CELF6: variants seen among roughly 807,000 people sequenced by gnomAD.
CELF6 encodes the protein Bruno -like 6, RNA binding protein.
A neutral mutation model predicts 53.1 loss-of-function variants in CELF6; 32 were observed. That is an observed-to-expected ratio of 0.60 (90% CI 0.46 to 0.81). The LOEUF (loss-of-function observed/expected upper bound fraction) is 0.81, where lower values mean the gene tolerates loss of function less well. Ranked by LOEUF, CELF6 falls within the 30% of genes least tolerant of loss-of-function variation. CELF6 has a pLI of 0.00. For missense variants in CELF6, 539 were observed against 669.5 expected, an observed-to-expected ratio of 0.81 and a Z score of 2.15; for synonymous variants, 291 against 288.8, an observed-to-expected ratio of 1.01 and a Z score of -0.08.
chr15:72,307,066 T>G (rs1208838843), intron 2 of CELF6, among the ~76,000 whole-genome samples: 2 of 149,160 alleles, frequency 1.3e-5, no homozygotes, highest in African/African-American at 2.5e-5. Context: ...AAGCCTGGGG[T>G]GGGGGGCAGT....
chr15:72,293,974 TG>T (rs2088041668), intron 3 of CELF6, among the ~76,000 whole-genome samples: 1 of 152,104 alleles, frequency 6.6e-6, no homozygotes, highest in African/African-American at 2.4e-5. Context: ...GGATTTCATG[TG>T]TGAGCCACCA....
At chr15:72,317,753 C>A (rs1249996826) in intron 1 of CELF6, among the ~76,000 whole-genome samples, 1 of 152,156 alleles carries the variant, frequency 6.6e-6, no homozygotes, top group Non-Finnish European at 1.5e-5. Context: ...CCACTTACAT[C>A]CCTGCTCTGT....
intron 3 of CELF6, among the ~76,000 whole-genome samples, chr15:72,291,763 G>A (rs893417068): frequency 1.4e-4 from 21 of 152,188 alleles, no homozygotes; most frequent in African/African-American, 5.1e-4. Flanking sequence ...TCTGTGTGGA[G>A]GGCAGGGGCT....
chr15:72,294,937 C>T (rs556007554), intron 3 of CELF6, among the ~76,000 whole-genome samples: 8 of 144,852 alleles, frequency 5.5e-5, no homozygotes, highest in Non-Finnish European at 1.2e-4. Context: ...GAGATTGTGC[C>T]GCTGCACTCC....
At chr15:72,287,831 G>T (rs904944574) in intron 11 of CELF6, among the ~76,000 whole-genome samples, 1 of 148,330 alleles carries the variant, frequency 6.7e-6, no homozygotes, top group Non-Finnish European at 1.5e-5. Flanking sequence ...CTGAAATAAA[G>T]CTCGTTCTTT....
At chr15:72,293,365 G>A (rs2141188158) in intron 3 of CELF6, among the ~76,000 whole-genome samples, 1 of 152,014 alleles carries the variant, frequency 6.6e-6, no homozygotes, top group East Asian at 1.9e-4. Flanking sequence ...TCTGATGGCT[G>A]ATCATTGATT....
At position 72,290,371 on chromosome 15, in the gene CELF6, G is replaced by A. The variant is rs963486154; in HGVS notation, c.395-116C>T. On this transcript the variant is annotated intron_variant, in intron 3 of 12. Coordinates refer to ENST00000287202, the MANE Select transcript of CELF6 (RefSeq NM_052840.5). ...TCTCACTCTGGGAAGCAGAGGGAGT[G>A]AGAAGGCCCTGGGCTTCCAGGGTTG... is the stretch of plus-strand genomic sequence containing the variant. 2.4e-6 allele frequency: 3 copies of A among 1,271,616 alleles called. No homozygotes were observed. The East Asian group carries it at 7.6e-5, about 32-fold the overall frequency. The allele number at this position is 1,271,616 out of a possible 1,614,324, so 78.8% of individuals were successfully genotyped here.
Position 72,288,639 on chromosome 15 carries a change from G to A in CELF6, c.1094-21C>T. 1 of 1,551,298 alleles carries A rather than the reference G, an allele frequency of 6.4e-7. No individual in the cohort carries two copies. The highest frequency in any genetic ancestry group is 8.7e-7 in the Non-Finnish European group (1 of 1,148,180). Reference sequence around the variant, plus strand: ...GGCTGCTGGAGACAGAGGTGGGAGTGGACAGTGATCCCCAGGAGCCCTTCC... The same window carrying A: ...GGCTGCTGGAGACAGAGGTGGGAGTAGACAGTGATCCCCAGGAGCCCTTCC... On this transcript the variant is annotated intron_variant, in intron 9 of 12. Transcript: ENST00000287202. This position sits in a 1 kb window ranked among gnomAD's most constrained non-coding sequence, Gnocchi z 4.6.
chr15:72,292,068 C>T, intron 3 of CELF6: 1 of 629,582 alleles, frequency 1.6e-6, no homozygotes, highest in Non-Finnish European at 2.7e-6. Flanking sequence ...TAGGATGAAG[C>T]TCAAAATGTA....
rs973603279 is a variant in CELF6, at chr15:72,289,946, G to A, written c.596C>T (p.Thr199Ile). ...AAIRGLHGSR[T>I]MAGASSSLVV... is the part of the protein sequence containing the mutation. ...CAGGGAACCCGCCCTCACCGCCATG[G>A]TCCGGCTGCCGTGCAGACCCCGGAT... Residue 199 changes from threonine (T) to isoleucine (I), a missense_variant, in exon 5 of 13, where the codon ACC becomes ATC. Thr to Ile is a moderately conservative substitution (Grantham distance 89). Around this residue, in one of 3 missense-constraint regions of CELF6, gnomAD observed 358 missense variants for 412.8 expected, o/e 0.87. Coordinates refer to ENST00000287202, the MANE Select transcript of CELF6 (RefSeq NM_052840.5). This position sits in a 1 kb window ranked among gnomAD's most constrained non-coding sequence, Gnocchi z 7.6. 44 of 1,568,364 alleles carry A rather than the reference G, an allele frequency of 2.8e-5. No individual in the cohort carries two copies. The highest frequency in any genetic ancestry group is 1.8e-4 in the Middle Eastern group (1 of 5,572).
rs1347753642 is a variant in CELF6, at chr15:72,289,415, C to T, written c.840G>A (p.Ala280=). The change falls in exon 7 of 13, where the codon GCG becomes GCA. Residue 280 remains alanine (A), a synonymous_variant. Transcript: ENST00000287202. This position sits in a 1 kb window ranked among gnomAD's most constrained non-coding sequence, Gnocchi z 7.6. ...GAGGCGCAGCTACCAGGCTAAAGGC[C>T]GCCACGTGTTGCATCTGGGCCGCCA... is the stretch of plus-strand genomic sequence containing the variant. ...AAVAAQMQHV[A]AFSLVAAPLL... The T allele has an allele frequency of 3.9e-6, 6 of 1,554,546 alleles. No individual in the cohort carries two copies. The highest frequency in any genetic ancestry group is 5.2e-6 in the Non-Finnish European group (6 of 1,158,522).
chr15:72,304,691 G>GCCCACCCT (rs2088203240), intron 3 of CELF6, 55 bp downstream of exon 3: 1 of 1,531,080 alleles, frequency 6.5e-7, no homozygotes, highest in South Asian at 1.1e-5. Context: ...CCAGGTGTGG[G>GCCCACCCT]CCCACCCTCC....
intron 3 of CELF6, among the ~76,000 whole-genome samples, chr15:72,296,585 C>A (rs2959938): frequency 0.22 from 33,557 of 152,090 alleles, 7,838 homozygotes; most frequent in African/African-American, 0.59. Flanking sequence ...GTAACAACAA[C>A]AATACCAACA....
At chr15:72,295,189 C>T (rs939050106) in intron 3 of CELF6, among the ~76,000 whole-genome samples, 4 of 150,314 alleles carry the variant, frequency 2.7e-5, no homozygotes, top group Non-Finnish European at 5.9e-5. Context: ...CAAAAATTAG[C>T]CGTGTGTAGG....
chr15:72,292,146 C>T (rs868401899), intron 3 of CELF6: 4 of 1,318,328 alleles, frequency 3.0e-6, no homozygotes, highest in Non-Finnish European at 4.2e-6. Flanking sequence ...GCTTGATCCT[C>T]CCCTAATACT....
intron 2 of CELF6, among the ~76,000 whole-genome samples, chr15:72,305,024 C>T (rs562160010): frequency 6.6e-6 from 1 of 152,134 alleles, no homozygotes; most frequent in African/African-American, 2.4e-5. Context: ...TAGTGGCAAG[C>T]ACAAGGTGGA....
chr15:72,302,999 C>T (rs933854571), intron 3 of CELF6, among the ~76,000 whole-genome samples: 6 of 152,322 alleles, frequency 3.9e-5, no homozygotes, highest in Non-Finnish European at 7.3e-5. Context: ...TCATAGCATC[C>T]GTGCTTCATG....
At chr15:72,317,091 C>T (rs2088372524) in intron 1 of CELF6, among the ~76,000 whole-genome samples, 2 of 152,110 alleles carry the variant, frequency 1.3e-5, no homozygotes, top group South Asian at 4.1e-4. Context: ...TGGCTGGAGG[C>T]TGGTGTATGG....
intron 3 of CELF6, among the ~76,000 whole-genome samples, chr15:72,298,297 A>G (rs1337165524): frequency 3.9e-5 from 6 of 152,248 alleles, no homozygotes; most frequent in Non-Finnish European, 7.3e-5. Context: ...ATCCAGGCTG[A>G]CATCTAATCA....
Sources: allele counts gnomAD v4.1 joint callset (sites outside exome capture counted in the v4.1 genomes callset), GRCh38; gene constraint gnomAD v4.1.1; regional missense constraint gnomAD v4.1.1; non-coding constraint Gnocchi (gnomAD v3.1); transcripts MANE v1.5; gene names NCBI Gene and HGNC (gene_info 2026-07-23, HGNC 2026-07-21).